Variants in LEPR observed in about 807,000 individuals in gnomAD.
The protein encoded by LEPR is OB receptor.
A neutral mutation model predicts 114.7 loss-of-function variants in LEPR; 56 were observed. That is an observed-to-expected ratio of 0.49 (90% confidence interval 0.39 to 0.61). The LOEUF is 0.61. LEPR is among the 20% of genes least tolerant of loss of function. The pLI is 0.00. For missense variants in LEPR, 1,202 were observed against 1,352.9 expected (o/e 0.89, Z 1.75); for synonymous variants, 443 against 461.4 (o/e 0.96, Z 0.51).
intron 2 of LEPR, among the ~76,000 whole-genome samples, chr1:65,477,758 A>T (rs1267173832): frequency 6.6e-6 from 1 of 152,218 alleles, no homozygotes; most frequent in Non-Finnish European, 1.5e-5. Context: ...TGACCACATT[A>T]TGAGTTCTGG....
intron 2 of LEPR, among the ~76,000 whole-genome samples, chr1:65,506,617 A>G (rs1218117388): frequency 6.6e-6 from 1 of 152,198 alleles, no homozygotes; most frequent in East Asian, 1.9e-4. Context: ...ATTAAGCAAT[A>G]CAGACTGGGA....
intron 2 of LEPR, chr1:65,433,242 T>A: frequency 1.0e-6 from 1 of 985,368 alleles, no homozygotes; most frequent in Non-Finnish European, 1.2e-6. Context: ...CGAAGAGATA[T>A]AGGAGCCATG....
chr1:65,511,814 C>T (rs1196270007), intron 2 of LEPR, among the ~76,000 whole-genome samples: 1 of 152,184 alleles, frequency 6.6e-6, no homozygotes, highest in Admixed American at 6.5e-5. Flanking sequence ...GAAAGAGCTA[C>T]TCCCCTTTAT....
At chr1:65,470,115 T>C (rs1241609669) in intron 2 of LEPR, among the ~76,000 whole-genome samples, 1 of 152,222 alleles carries the variant, frequency 6.6e-6, no homozygotes, top group Non-Finnish European at 1.5e-5. Flanking sequence ...TTATTTTCAT[T>C]TGAAACTCTC....
At chr1:65,425,188 T>A (rs1418426011) in intron 1 of LEPR, 115 bp from the exon 2 acceptor site, 2 of 789,614 alleles carry the variant, frequency 2.5e-6, no homozygotes, top group Non-Finnish European at 4.2e-6. Context: ...GAAAATTTAC[T>A]CATCCGCCAA....
chr1:65,632,317 G>T (rs1658555391), intron 19 of LEPR, among the ~76,000 whole-genome samples: 1 of 152,038 alleles, frequency 6.6e-6, no homozygotes, highest in African/African-American at 2.4e-5. Flanking sequence ...ACATTACTGG[G>T]CCTAGAAGTG....
chr1:65,553,719 A>C (rs1652600812), intron 2 of LEPR, among the ~76,000 whole-genome samples: 1 of 152,060 alleles, frequency 6.6e-6, no homozygotes, highest in African/African-American at 2.4e-5. Context: ...TACTTCTGTC[A>C]ATTCATCAAA....
At chr1:65,603,658 T>A (rs1656608444) in intron 10 of LEPR, among the ~76,000 whole-genome samples, 3 of 151,728 alleles carry the variant, frequency 2.0e-5, no homozygotes, top group Admixed American at 2.0e-4. Context: ...CACAAATTTA[T>A]AAACTGTCTG....
chr1:65,438,650 G>A (rs760007932), intron 2 of LEPR, among the ~76,000 whole-genome samples: 30 of 151,518 alleles, frequency 2.0e-4, no homozygotes, highest in African/African-American at 6.8e-4. Flanking sequence ...TAGCTGAACT[G>A]TAGCTACTGT....
intron 2 of LEPR, among the ~76,000 whole-genome samples, chr1:65,528,784 C>CT (rs1444150530): frequency 2.0e-5 from 3 of 151,920 alleles, no homozygotes; most frequent in Non-Finnish European, 4.4e-5. Flanking sequence ...TCTAATTTAC[C>CT]TTTTTTTAAA....
chr1:65,512,553 CTT>C (rs1649087543), intron 2 of LEPR, among the ~76,000 whole-genome samples: 1 of 152,108 alleles, frequency 6.6e-6, no homozygotes, highest in Admixed American at 6.5e-5. Flanking sequence ...TTTCAATGCA[CTT>C]CAGCAGGGCA....
intron 2 of LEPR, among the ~76,000 whole-genome samples, chr1:65,436,512 CT>C (rs1253459664): frequency 6.6e-6 from 1 of 152,122 alleles, no homozygotes; most frequent in Non-Finnish European, 1.5e-5. Flanking sequence ...TAAAGTTAAA[CT>C]TTTAATAGAA....
intron 1 of LEPR, chr1:65,421,609 C>T: frequency 1.2e-6 from 1 of 860,958 alleles, no homozygotes; most frequent in African/African-American, 1.7e-5. Flanking sequence ...ACGAGTACGC[C>T]TCTGTTCACT....
chr1:65,544,640 A>G (rs1651511434), intron 2 of LEPR, among the ~76,000 whole-genome samples: 2 of 151,682 alleles, frequency 1.3e-5, no homozygotes, highest in South Asian at 4.1e-4. Flanking sequence ...GAGCGTTTTT[A>G]GCATGAAGCA....
chr1:65,507,491 ATG>A (rs200960679), intron 2 of LEPR, among the ~76,000 whole-genome samples: 234 of 141,792 alleles, frequency 1.7e-3, no homozygotes, highest in African/African-American at 6.1e-3. Flanking sequence ...ATATGTATAT[ATG>A]TGTGTGTATA....
In LEPR at chr1:65,432,896, G is replaced by A. The variant is rs114235002; in HGVS notation, c.-21+7518G>A. The A allele has an allele frequency of 5.3e-4, 464 of 873,056 alleles. No individual in the cohort carries two copies. In the African/African-American group the frequency reaches 5.8e-3, roughly 11 times the overall value. The allele number at this position is 873,056 out of a possible 1,614,324, so 54.1% of individuals were successfully genotyped here. The stretch of plus-strand genomic sequence containing the variant: ...CCTTATATTCAAAAATCATAAAACC[G>A]TATTGTACCCTATAAAAATATACAA... On this transcript the variant is annotated intron_variant, in intron 2 of 19. Transcript: ENST00000349533.
At chr1:65,550,328 C>A (rs1272902108) in intron 2 of LEPR, among the ~76,000 whole-genome samples, 1 of 152,174 alleles carries the variant, frequency 6.6e-6, no homozygotes, top group East Asian at 1.9e-4. Context: ...GCTGGGAGAA[C>A]CACTGCTCTC....
At chr1:65,590,694 G>A (rs1655636769) in intron 5 of LEPR, among the ~76,000 whole-genome samples, 1 of 151,844 alleles carries the variant, frequency 6.6e-6, no homozygotes, top group African/African-American at 2.4e-5. Context: ...CCCAGTCTTG[G>A]GTATTTCTTC....
intron 2 of LEPR, among the ~76,000 whole-genome samples, chr1:65,458,511 C>T (rs974091576): frequency 2.6e-5 from 4 of 152,160 alleles, no homozygotes; most frequent in Non-Finnish European, 4.4e-5. Flanking sequence ...TTGTTTGAGT[C>T]GTTTTTGAAG....
Sources: allele counts gnomAD v4.1 joint callset (sites outside exome capture counted in the v4.1 genomes callset), GRCh38; gene constraint gnomAD v4.1.1; transcripts MANE v1.5; gene names NCBI Gene and HGNC (gene_info 2026-07-23, HGNC 2026-07-21).